FBXL13: variants seen among roughly 807,000 people sequenced by gnomAD.
The protein encoded by FBXL13 is F-box and leucine rich repeat protein 13, also known as F-box and leucine-rich repeat protein 13.
A neutral mutation model predicts 83.6 loss-of-function variants in FBXL13; 67 were observed. The ratio of observed to expected loss-of-function variants is 0.80; its 90% CI spans 0.66 to 0.98. FBXL13 has a LOEUF of 0.98. Ranked by LOEUF, FBXL13 falls within the 50% of genes least tolerant of loss-of-function variation. FBXL13 has a pLI of 0.00. For synonymous variants in FBXL13, 272 were observed against 299.5 expected, an observed-to-expected ratio of 0.91 and a Z score of 0.95; for missense variants, 822 against 866.5, an observed-to-expected ratio of 0.95 and a Z score of 0.64.
At chr7:103,033,212 A>C (rs906905883) in intron 2 of FBXL13, among the ~76,000 whole-genome samples, 7 of 152,130 alleles carry the variant, frequency 4.6e-5, no homozygotes, top group Admixed American at 1.3e-4. Flanking sequence ...CTCTGAAAGA[A>C]AGACAAGAAT....
At chr7:103,073,974 A>T (rs1450109401) in intron 1 of FBXL13, among the ~76,000 whole-genome samples, 1 of 152,196 alleles carries the variant, frequency 6.6e-6, no homozygotes, top group African/African-American at 2.4e-5. Flanking sequence ...TTTGTAGAGA[A>T]AAAAAGAGGT....
intron 11 of FBXL13, among the ~76,000 whole-genome samples, chr7:102,907,856 A>G (rs976015300): frequency 6.6e-6 from 1 of 152,216 alleles, no homozygotes; most frequent in East Asian, 1.9e-4. Context: ...AATCAAAACC[A>G]CAATGTGATA....
chr7:102,840,451 C>T (rs188099287), intron 17 of FBXL13, among the ~76,000 whole-genome samples: 2 of 152,234 alleles, frequency 1.3e-5, no homozygotes, highest in East Asian at 1.9e-4. Flanking sequence ...GCAAGAAAGG[C>T]GGGGGAATTC....
intron 4 of FBXL13, among the ~76,000 whole-genome samples, chr7:103,027,901 A>C (rs1004038767): frequency 1.6e-4 from 24 of 152,320 alleles, no homozygotes; most frequent in Middle Eastern, 6.8e-3. Context: ...TAGCATTTAG[A>C]TCCAATGCCT....
chr7:102,970,932 G>A (rs540523471), intron 6 of FBXL13, among the ~76,000 whole-genome samples: 41 of 152,218 alleles, frequency 2.7e-4, no homozygotes, highest in African/African-American at 9.9e-4. Context: ...TATAAAGGAT[G>A]CTAAGAGACA....
intron 8 of FBXL13, chr7:102,934,740 A>C (rs1819960447): frequency 7.1e-7 from 1 of 1,416,284 alleles, no homozygotes; most frequent in Non-Finnish European, 9.6e-7. Context: ...TGCTCTTTGA[A>C]TCTTATAATC....
chr7:103,067,480 T>C (rs942677102), intron 1 of FBXL13, among the ~76,000 whole-genome samples: 24 of 152,234 alleles, frequency 1.6e-4, no homozygotes, highest in African/African-American at 5.1e-4. Context: ...ACAGTGAAAG[T>C]GATGTTGAGT....
intron 10 of FBXL13, among the ~76,000 whole-genome samples, chr7:102,920,224 C>T (rs1396013447): frequency 3.3e-5 from 5 of 152,052 alleles, no homozygotes; most frequent in Non-Finnish European, 5.9e-5. Context: ...TTAGAATACA[C>T]AACAGAATGT....
In FBXL13 at chr7:102,893,387, G is replaced by A. The variant is rs148214522; in HGVS notation, c.1009-9075C>T. 3.9e-3 allele frequency among the ~76,000 whole-genome samples: 579 copies of A among 148,738 alleles called. 5 individuals are homozygous for A. The highest frequency in any genetic ancestry group is 0.014 in the African/African-American group (569 of 40,166). On this transcript the variant is annotated intron_variant, in intron 11 of 19. Transcript: ENST00000313221. Reference sequence around the variant, plus strand: ...CAGCCTAGCCATTCTACAGGTGAAGGAATCGAGGCAGAAAAACCAAGTAAC... The same window carrying A: ...CAGCCTAGCCATTCTACAGGTGAAGAAATCGAGGCAGAAAAACCAAGTAAC...
intron 11 of FBXL13, among the ~76,000 whole-genome samples, chr7:102,899,663 C>T (rs1812716602): frequency 6.6e-6 from 1 of 152,144 alleles, no homozygotes; most frequent in Non-Finnish European, 1.5e-5. Context: ...AGGCCTGGAT[C>T]AAATGACTAG....
intron 6 of FBXL13, among the ~76,000 whole-genome samples, chr7:102,979,016 G>GAT (rs1255863758): frequency 3.3e-5 from 5 of 152,158 alleles, no homozygotes; most frequent in African/African-American, 1.2e-4. Context: ...AAATCTACAT[G>GAT]ATATAAAGAT....
At chr7:102,831,154 A>G (rs1800599151) in intron 18 of FBXL13, among the ~76,000 whole-genome samples, 1 of 152,190 alleles carries the variant, frequency 6.6e-6, no homozygotes, top group Admixed American at 6.5e-5. Context: ...CTGGCAGCCA[A>G]GTTCTTGATG....
intron 2 of FBXL13, among the ~76,000 whole-genome samples, chr7:103,053,017 A>G (rs1046279978): frequency 7.2e-5 from 11 of 151,950 alleles, no homozygotes; most frequent in Non-Finnish European, 1.5e-4. Context: ...TCAGCCTCCC[A>G]AAGTGCTGGG....
intron 11 of FBXL13, among the ~76,000 whole-genome samples, chr7:102,894,054 C>T (rs1162907249): frequency 1.3e-5 from 2 of 152,124 alleles, no homozygotes; most frequent in African/African-American, 2.4e-5. Flanking sequence ...AATTCCTCCC[C>T]TGACTCTTGC....
chr7:102,937,013 A>G (rs1820456155), intron 8 of FBXL13, among the ~76,000 whole-genome samples: 1 of 152,176 alleles, frequency 6.6e-6, no homozygotes, highest in Non-Finnish European at 1.5e-5. Flanking sequence ...TTGTGTAAAC[A>G]CAACCTTCCA....
chr7:102,813,955 T>C (rs1771090654), intron 19 of FBXL13, among the ~76,000 whole-genome samples: 1 of 152,116 alleles, frequency 6.6e-6, no homozygotes, highest in Non-Finnish European at 1.5e-5. Context: ...CCCTTTTGAC[T>C]ACATGGATGA....
chr7:102,955,894 G>C (rs1201448479), intron 8 of FBXL13, among the ~76,000 whole-genome samples: 1 of 152,042 alleles, frequency 6.6e-6, no homozygotes, highest in Non-Finnish European at 1.5e-5. Context: ...ATAATTAATA[G>C]TCTAACAACC....
intron 11 of FBXL13, among the ~76,000 whole-genome samples, chr7:102,903,947 T>TC (rs1563068225): frequency 2.1e-5 from 3 of 142,962 alleles, no homozygotes; most frequent in Admixed American, 6.9e-5. Context: ...TTCTTTTTTT[T>TC]TTTTTTTTTT....
intron 6 of FBXL13, among the ~76,000 whole-genome samples, chr7:103,019,343 T>C (rs572707789): frequency 4.8e-4 from 73 of 152,312 alleles, no homozygotes; most frequent in Non-Finnish European, 9.0e-4. Context: ...GGGAAATTTA[T>C]AGCACTAAAT....
Sources: gnomAD v4.1 joint callset for allele counts (sites outside exome capture counted in the v4.1 genomes callset) on GRCh38, gnomAD v4.1.1 for gene constraint, MANE v1.5 for transcripts, NCBI Gene and HGNC (gene_info 2026-07-23, HGNC 2026-07-21) for gene names.